Variants in STK39 observed in about 807,000 individuals in gnomAD.
STK39 encodes the protein STE20/SPS1-related proline-alanine-rich protein kinase.
A neutral mutation model predicts 77.8 loss-of-function variants in STK39; 20 were observed. The observed-to-expected ratio is 0.26, with a 90% CI of 0.18 to 0.37. The LOEUF (loss-of-function observed/expected upper bound fraction) is 0.37, where lower values mean the gene tolerates loss of function less well. STK39 is among the 10% of genes least tolerant of loss of function. The probability of loss-of-function intolerance (pLI) is 1.00; values close to 1 mark genes in which losing one functional copy is unlikely to be tolerated. For missense variants in STK39, 479 were observed against 656.5 expected, an observed-to-expected ratio of 0.73 and a Z score of 2.95; for synonymous variants, 246 against 234.1, an observed-to-expected ratio of 1.05 and a Z score of -0.47.
chr2:168,041,098 T>C (rs1164190978), intron 14 of STK39, among the ~76,000 whole-genome samples: 4 of 152,150 alleles, frequency 2.6e-5, no homozygotes, highest in Non-Finnish European at 4.4e-5. Flanking sequence ...GAGAAGATCA[T>C]GGGATCTGAC....
chr2:168,234,315 T>C (rs1413362310), intron 1 of STK39, among the ~76,000 whole-genome samples: 1 of 152,256 alleles, frequency 6.6e-6, no homozygotes, highest in African/African-American at 2.4e-5. Flanking sequence ...TATTGAGCAC[T>C]TGAAATGTGG....
At chr2:167,997,688 G>T (rs1683882793) in intron 16 of STK39, among the ~76,000 whole-genome samples, 1 of 152,162 alleles carries the variant, frequency 6.6e-6, no homozygotes, top group Non-Finnish European at 1.5e-5. Context: ...AAATAAGATG[G>T]GGATATTTTT....
At chr2:167,991,961 C>G (rs914227899) in intron 16 of STK39, among the ~76,000 whole-genome samples, 1 of 152,158 alleles carries the variant, frequency 6.6e-6, no homozygotes, top group Non-Finnish European at 1.5e-5. Context: ...ACAGCCTGAT[C>G]GGCTTGAACA....
chr2:168,164,028 G>T (rs887647041), intron 3 of STK39, 148 bp from the exon 4 acceptor site: 10 of 1,229,622 alleles, frequency 8.1e-6, no homozygotes, highest in Non-Finnish European at 1.1e-5. Context: ...CAATTGAATG[G>T]GGGCCCCATG....
At chr2:168,234,849 AT>A (rs1690556266) in intron 1 of STK39, among the ~76,000 whole-genome samples, 1 of 151,712 alleles carries the variant, frequency 6.6e-6, no homozygotes, top group Non-Finnish European at 1.5e-5. Context: ...ATTCAGACAT[AT>A]TTTTACTCTA....
intron 1 of STK39, among the ~76,000 whole-genome samples, chr2:168,232,956 C>T (rs1452908414): frequency 6.6e-6 from 1 of 152,022 alleles, no homozygotes; most frequent in African/African-American, 2.4e-5. Flanking sequence ...TTCAGAAAGT[C>T]TTGCAGCATT....
intron 16 of STK39, among the ~76,000 whole-genome samples, chr2:167,993,423 G>A (rs991346575): frequency 2.0e-5 from 3 of 152,268 alleles, no homozygotes; most frequent in East Asian, 1.9e-4. Context: ...GTGGTGGCTC[G>A]TGCCTGTAAT....
intron 15 of STK39, among the ~76,000 whole-genome samples, chr2:168,013,973 T>C (rs1249883450): frequency 6.6e-6 from 1 of 152,178 alleles, no homozygotes; most frequent in Non-Finnish European, 1.5e-5. Flanking sequence ...ATGATGATGA[T>C]GCAGCAGCCA....
At chr2:168,013,358 T>G (rs903135542) in intron 15 of STK39, among the ~76,000 whole-genome samples, 1 of 152,204 alleles carries the variant, frequency 6.6e-6, no homozygotes, top group Non-Finnish European at 1.5e-5. Flanking sequence ...CTGCGGCAAG[T>G]GAATACAGCT....
intron 1 of STK39, among the ~76,000 whole-genome samples, chr2:168,193,229 G>A (rs764132433): frequency 2.0e-4 from 30 of 152,084 alleles, no homozygotes; most frequent in Non-Finnish European, 3.8e-4. Context: ...CTGACAACCT[G>A]AGGCCCTCCC....
At chr2:168,120,319 T>C (rs1486331078) in intron 10 of STK39, among the ~76,000 whole-genome samples, 1 of 152,234 alleles carries the variant, frequency 6.6e-6, no homozygotes. Context: ...CTCTTCCCCC[T>C]TCACATGTCC....
chr2:167,982,010 G>T (rs2105268502), intron 16 of STK39, among the ~76,000 whole-genome samples: 1 of 152,306 alleles, frequency 6.6e-6, no homozygotes, highest in Middle Eastern at 3.4e-3. Context: ...ATACTGGCTA[G>T]TAGAGCTGAG....
chr2:167,976,762 C>G (rs1040920257), intron 16 of STK39, among the ~76,000 whole-genome samples: 6 of 152,170 alleles, frequency 3.9e-5, no homozygotes, highest in Non-Finnish European at 5.9e-5. Context: ...CCAACCACAT[C>G]CCTTCCTCCA....
chr2:168,093,713 C>T (rs1033256140), intron 10 of STK39, among the ~76,000 whole-genome samples: 6 of 152,198 alleles, frequency 3.9e-5, no homozygotes, highest in African/African-American at 1.4e-4. Flanking sequence ...AACCTGACCC[C>T]TGCTTCCAGT....
intron 1 of STK39, among the ~76,000 whole-genome samples, chr2:168,240,151 T>A (rs552914623): frequency 8.5e-5 from 13 of 152,306 alleles, no homozygotes; most frequent in Admixed American, 4.6e-4. Flanking sequence ...AGAAGAGGCA[T>A]TTCAGCAACT....
At chr2:168,106,637 T>A (rs1209815925) in intron 10 of STK39, among the ~76,000 whole-genome samples, 1 of 151,924 alleles carries the variant, frequency 6.6e-6, no homozygotes, top group African/African-American at 2.4e-5. Flanking sequence ...CTGGGCAACA[T>A]AGAGAAACCC....
At chr2:168,203,192 A>C (rs1332848293) in intron 1 of STK39, among the ~76,000 whole-genome samples, 1 of 152,106 alleles carries the variant, frequency 6.6e-6, no homozygotes, top group Non-Finnish European at 1.5e-5. Flanking sequence ...GGAAGAGAGG[A>C]AAAAATCTCC....
intron 10 of STK39, among the ~76,000 whole-genome samples, chr2:168,108,539 C>A (rs896261698): frequency 6.6e-5 from 10 of 151,570 alleles, no homozygotes; most frequent in South Asian, 2.1e-4. Flanking sequence ...CGGAGCGAGA[C>A]CCTGTCTCAA....
At chr2:167,995,158 G>C (rs1325533053) in intron 16 of STK39, among the ~76,000 whole-genome samples, 1 of 151,634 alleles carries the variant, frequency 6.6e-6, no homozygotes, top group Non-Finnish European at 1.5e-5. Flanking sequence ...CACCCAGGCT[G>C]GAGTGCAGTG....
Sources: allele counts gnomAD v4.1 joint callset (sites outside exome capture counted in the v4.1 genomes callset), GRCh38; gene constraint gnomAD v4.1.1; transcripts MANE v1.5; gene names NCBI Gene and HGNC (gene_info 2026-07-23, HGNC 2026-07-21).